Variants in TIMM23B observed in about 807,000 individuals in gnomAD.
TIMM23B encodes the protein translocase of inner mitochondrial membrane 23 homolog B, also known as mitochondrial import inner membrane translocase subunit Tim23B.
TIMM23B carries 27 observed loss-of-function variants against 27.3 expected under a neutral mutation model. The observed-to-expected ratio is 0.99, with a 90% CI of 0.73 to 1.36. TIMM23B has a LOEUF of 1.36. TIMM23B is among the 40% of genes most tolerant of loss of function. The pLI is 0.00. For synonymous variants in TIMM23B, 73 were observed against 92.4 expected (o/e 0.79, Z 1.21); for missense variants, 205 against 244.2 (o/e 0.84, Z 1.07).
At chr10:49,945,299 C>A (rs1329448525) in intron 2 of TIMM23B, among the ~76,000 whole-genome samples, 3 of 152,060 alleles carry the variant, frequency 2.0e-5, no homozygotes, top group Non-Finnish European at 4.4e-5. Flanking sequence ...TTTTTAAAAC[C>A]AGAGCAGAAT....
intron 1 of TIMM23B, among the ~76,000 whole-genome samples, chr10:49,944,135 T>C (rs1241665812): frequency 2.0e-5 from 3 of 152,234 alleles, no homozygotes; most frequent in East Asian, 1.9e-4. Context: ...GAATGACAGC[T>C]AATGTAGGAT....
intron 4 of TIMM23B, among the ~76,000 whole-genome samples, chr10:49,953,833 C>T (rs1444583169): frequency 6.6e-6 from 1 of 152,072 alleles, no homozygotes; most frequent in Non-Finnish European, 1.5e-5. Flanking sequence ...AACCATAACC[C>T]ATCCTCAACA....
At chr10:49,964,625 A>C (rs1344518092) in intron 6 of TIMM23B, among the ~76,000 whole-genome samples, 2 of 151,678 alleles carry the variant, frequency 1.3e-5, no homozygotes, top group African/African-American at 4.9e-5. Flanking sequence ...AAATGAAATG[A>C]AAAAATGAAA....
chr10:49,957,102 G>C (rs1328033893), intron 5 of TIMM23B, among the ~76,000 whole-genome samples: 1 of 151,854 alleles, frequency 6.6e-6, no homozygotes, highest in Admixed American at 6.6e-5. Context: ...TTCTGATGCT[G>C]ATCGCAAGCT....
At chr10:49,962,470 G>C (rs1258303420) in intron 6 of TIMM23B, among the ~76,000 whole-genome samples, 1 of 152,136 alleles carries the variant, frequency 6.6e-6, no homozygotes, top group Admixed American at 6.5e-5. Context: ...CAAAGTGCTG[G>C]GATTACAGGC....
chr10:49,945,236 A>G (rs1839319267), intron 2 of TIMM23B, 146 bp downstream of exon 2: 1 of 671,588 alleles, frequency 1.5e-6, no homozygotes, highest in East Asian at 2.7e-5. Context: ...CACAAACACC[A>G]GGAGCTTGGC....
chr10:49,962,690 T>C (rs1839961126), intron 6 of TIMM23B, among the ~76,000 whole-genome samples: 1 of 152,180 alleles, frequency 6.6e-6, no homozygotes, highest in Non-Finnish European at 1.5e-5. Flanking sequence ...CTGTCCATCT[T>C]TGTTCAGATA....
At position 49,942,318 on chromosome 10, in the gene TIMM23B, C is replaced by T. The variant is rs1428123420; in HGVS notation, c.106+18C>T. 5.0e-6 allele frequency: 8 copies of T among 1,600,208 alleles called. No individual in the cohort carries two copies. In the African/African-American group the frequency reaches 9.4e-5, roughly 19 times the overall value. On this transcript the variant is annotated intron_variant, in intron 1 of 6. Transcript: ENST00000651259. The stretch of plus-strand genomic sequence containing the variant: ...CGTCCCGCGTAAGTATGGGGCCTAG[C>T]TTGCGATTATTTCTGACTGGTTCTT...
At chr10:49,945,197 T>G in intron 2 of TIMM23B, 107 bp downstream of exon 2, 7 of 1,071,214 alleles carry the variant, frequency 6.5e-6, no homozygotes, top group Non-Finnish European at 9.8e-6. Flanking sequence ...AGGCAGTAAG[T>G]CTCTGGTCTC....
rs1418745241 is a variant in TIMM23B, at chr10:49,952,309, G to C, written c.259+90G>C. On this transcript the variant is annotated intron_variant, in intron 3 of 6. Transcript: ENST00000651259. ...AAAGCAATTAGAATGTTGGTTTCAG[G>C]GTTTTTTTTTTTAATATTTACATTT... 22 of 1,465,494 alleles carry C rather than the reference G, an allele frequency of 1.5e-5. No individual in the cohort carries two copies. In the East Asian group the frequency reaches 1.6e-4, roughly 11 times the overall value. The allele number at this position is 1,465,494 out of a possible 1,614,324, so 90.8% of individuals were successfully genotyped here. A position where few individuals can be genotyped will look rare whatever the true frequency, so the allele number is the denominator to read the frequency against.
intron 2 of TIMM23B, among the ~76,000 whole-genome samples, chr10:49,946,823 C>G (rs1255912875): frequency 6.7e-6 from 1 of 149,146 alleles, no homozygotes; most frequent in Non-Finnish European, 1.5e-5. Flanking sequence ...TCCTAAAATT[C>G]ATATGGAAAT....
intron 4 of TIMM23B, 89 bp downstream of exon 4, chr10:49,952,622 A>G: frequency 1.4e-6 from 2 of 1,456,778 alleles, no homozygotes; most frequent in South Asian, 2.5e-5. Context: ...GAGATTACAG[A>G]TGGTTAGCAT....
intron 2 of TIMM23B, among the ~76,000 whole-genome samples, chr10:49,949,530 A>G (rs1179806218): frequency 6.6e-5 from 10 of 152,204 alleles, no homozygotes; most frequent in African/African-American, 1.9e-4. Flanking sequence ...TTAAAATTCA[A>G]TATCATTGTA....
At chr10:49,950,550 T>C (rs1269456082) in intron 2 of TIMM23B, among the ~76,000 whole-genome samples, 1 of 149,570 alleles carries the variant, frequency 6.7e-6, no homozygotes, top group Non-Finnish European at 1.5e-5. Flanking sequence ...TCTTTTCTTT[T>C]TTTTTTTTTG....
intron 5 of TIMM23B, 36 bp downstream of exon 5, chr10:49,955,096 CTT>C (rs1205292295): frequency 6.2e-7 from 1 of 1,601,108 alleles, no homozygotes; most frequent in East Asian, 2.2e-5. Flanking sequence ...AAATTGTTAA[CTT>C]AAAGAAAGAA....
chr10:49,948,927 T>C (rs1329759808), intron 2 of TIMM23B, among the ~76,000 whole-genome samples: 39,956 of 152,106 alleles, frequency 0.26, 5,572 homozygotes, highest in Non-Finnish European at 0.32. Context: ...CACTCTGTCT[T>C]CCAGACTCGA....
chr10:49,955,652 CT>C (rs1839692289), intron 5 of TIMM23B, among the ~76,000 whole-genome samples: 1 of 152,166 alleles, frequency 6.6e-6, no homozygotes, highest in Non-Finnish European at 1.5e-5. Context: ...TCTCTTATGG[CT>C]TATGTCCTGA....
At chr10:49,970,790 G>A (rs1243513020) in intron 6 of TIMM23B, among the ~76,000 whole-genome samples, 1 of 152,206 alleles carries the variant, frequency 6.6e-6, no homozygotes, top group African/African-American at 2.4e-5. Context: ...TGGGAAGTGA[G>A]GAGCCCCTCT....
chr10:49,946,895 A>G (rs1393051977), intron 2 of TIMM23B, among the ~76,000 whole-genome samples: 3 of 151,542 alleles, frequency 2.0e-5, no homozygotes, highest in African/African-American at 7.3e-5. Flanking sequence ...GAACTTGCCA[A>G]TTTCAAAACT....
Sources: allele counts gnomAD v4.1 joint callset (sites outside exome capture counted in the v4.1 genomes callset), GRCh38; gene constraint gnomAD v4.1.1; transcripts MANE v1.5; gene names NCBI Gene and HGNC (gene_info 2026-07-23, HGNC 2026-07-21).